NCKAP5: variants seen among roughly 807,000 people sequenced by gnomAD.
NCKAP5 encodes NCK associated protein 5, also known as nck-associated protein 5.
A neutral mutation model predicts 167.0 loss-of-function variants in NCKAP5; 92 were observed. That is an observed-to-expected ratio of 0.55 (90% CI 0.47 to 0.66). NCKAP5 has a LOEUF of 0.66. Ranked by LOEUF, NCKAP5 falls within the 30% of genes least tolerant of loss-of-function variation. The pLI is 0.00. For missense variants in NCKAP5, 2,378 were observed against 2,315.0 expected, an observed-to-expected ratio of 1.03 and a Z score of -0.56; for synonymous variants, 891 against 877.4, an observed-to-expected ratio of 1.02 and a Z score of -0.27.
chr2:133,062,937 T>C (rs1307889723), intron 6 of NCKAP5, among the ~76,000 whole-genome samples: 1 of 152,200 alleles, frequency 6.6e-6, no homozygotes, highest in Non-Finnish European at 1.5e-5. Flanking sequence ...CTGCCTAAAT[T>C]ACAGCATAAG....
At chr2:133,117,289 C>T (rs1245572306) in intron 6 of NCKAP5, 5 of 152,136 alleles carry the variant, frequency 3.3e-5, no homozygotes, top group South Asian at 2.1e-4. Context: ...GATAACTGTT[C>T]GAATCTCACG....
At chr2:133,284,119 C>A (rs991030557) in intron 4 of NCKAP5, among the ~76,000 whole-genome samples, 1 of 151,794 alleles carries the variant, frequency 6.6e-6, no homozygotes, top group Non-Finnish European at 1.5e-5. Flanking sequence ...CTGTGAGTAT[C>A]ATTTGTCAGA....
chr2:133,669,966 T>C, the NCKAP5 span, among the ~76,000 whole-genome samples: 4 of 152,204 alleles, frequency 2.6e-5, no homozygotes, highest in African/African-American at 9.6e-5. Context: ...ATGCAATAGA[T>C]TAACCAGCCA....
At chr2:133,124,701 C>T (rs965050883) in intron 6 of NCKAP5, among the ~76,000 whole-genome samples, 25 of 152,146 alleles carry the variant, frequency 1.6e-4, no homozygotes, top group African/African-American at 2.9e-4. Context: ...AGGGCATAAA[C>T]GGTGTTACTA....
At position 133,036,176 on chromosome 2, in the gene NCKAP5, A is replaced by T. The variant is rs1417165507; in HGVS notation, c.342-41937T>A. On this transcript the variant is annotated intron_variant, in intron 6 of 19. Transcript: ENST00000409261. The stretch of plus-strand genomic sequence containing the variant: ...TAACAAATAACAAGATCGATGCCAC[A>T]ATAAAAATCTTCCCAGTAAAGAAGA... Among the ~76,000 whole-genome samples, 4 of 151,992 alleles carry T rather than the reference A, an allele frequency of 2.6e-5. No individual in the cohort carries two copies. In the East Asian group the frequency reaches 7.7e-4, roughly 29 times the overall value.
the NCKAP5 span, among the ~76,000 whole-genome samples, chr2:133,656,193 C>T: frequency 6.6e-6 from 1 of 152,134 alleles, no homozygotes; most frequent in South Asian, 2.1e-4. Flanking sequence ...CCTGACTCTA[C>T]CACCAAGCTA....
chr2:132,878,640 ACACACACACACACACGCACG>A (rs1691495934), intron 9 of NCKAP5, among the ~76,000 whole-genome samples, 188 bp downstream of exon 9: 1 of 50,546 alleles, frequency 2.0e-5, no homozygotes, highest in Non-Finnish European at 4.5e-5. Context: ...ACACACACAC[ACACACACACACACACGCACG>A]CATACACACA....
intron 4 of NCKAP5, among the ~76,000 whole-genome samples, chr2:133,227,581 C>A (rs2086951666): frequency 6.6e-6 from 1 of 152,162 alleles, no homozygotes; most frequent in Admixed American, 6.5e-5. Flanking sequence ...CATTATTAAA[C>A]CTCAGGAGCA....
intron 6 of NCKAP5, among the ~76,000 whole-genome samples, chr2:133,000,991 G>T (rs567638253): frequency 5.3e-5 from 8 of 152,296 alleles, no homozygotes; most frequent in African/African-American, 1.9e-4. Context: ...GGATTGACTG[G>T]TAAGGATATA....
chr2:132,696,215 A>G (rs1167480914), intron 19 of NCKAP5, among the ~76,000 whole-genome samples: 1 of 152,220 alleles, frequency 6.6e-6, no homozygotes, highest in Non-Finnish European at 1.5e-5. Flanking sequence ...CATGGCTTCT[A>G]TTTTGCAGTA....
intron 2 of NCKAP5, among the ~76,000 whole-genome samples, chr2:133,544,808 T>C (rs1204377542): frequency 2.6e-5 from 4 of 152,248 alleles, no homozygotes; most frequent in East Asian, 1.9e-4. Flanking sequence ...TGATTACTTA[T>C]ACTTTCAGTT....
intron 6 of NCKAP5, among the ~76,000 whole-genome samples, chr2:133,105,385 T>TG (rs1410113725): frequency 2.1e-5 from 3 of 145,798 alleles, no homozygotes; most frequent in African/African-American, 7.5e-5. Flanking sequence ...CTTTCTCCTC[T>TG]GGTTTTAGTT....
At chr2:133,605,422 G>C in the NCKAP5 span, among the ~76,000 whole-genome samples, 1 of 152,106 alleles carries the variant, frequency 6.6e-6, no homozygotes, top group Non-Finnish European at 1.5e-5. Context: ...TGTGGTCCCC[G>C]ACCCCCTGGG....
At chr2:133,242,492 A>G (rs6749561) in intron 4 of NCKAP5, among the ~76,000 whole-genome samples, 36,670 of 152,032 alleles carry the variant, frequency 0.24, 4,841 homozygotes, top group African/African-American at 0.36. Flanking sequence ...TCTTGAAGCT[A>G]CATTTGCAGA....
intron 6 of NCKAP5, among the ~76,000 whole-genome samples, chr2:133,045,958 G>A (rs139328251): frequency 4.7e-4 from 71 of 152,300 alleles, no homozygotes; most frequent in Non-Finnish European, 8.2e-4. Flanking sequence ...TGATAAGCAC[G>A]TGGCTATGCA....
intron 3 of NCKAP5, chr2:133,390,975 T>C (rs1408385476): frequency 6.6e-6 from 1 of 152,228 alleles, no homozygotes; most frequent in African/African-American, 2.4e-5. Context: ...GAATTTCGTA[T>C]GCACCAAGCA....
chr2:133,615,480 A>C, the NCKAP5 span, among the ~76,000 whole-genome samples: 1 of 152,212 alleles, frequency 6.6e-6, no homozygotes, highest in South Asian at 2.1e-4. Context: ...GGAAAACAAA[A>C]AAAAAGCAGG....
chr2:133,553,087 A>G (rs1213393528), intron 2 of NCKAP5, among the ~76,000 whole-genome samples: 1 of 152,230 alleles, frequency 6.6e-6, no homozygotes, highest in East Asian at 1.9e-4. Flanking sequence ...GATTACTTAC[A>G]AAAATACACA....
At chr2:132,958,893 A>C (rs960174896) in intron 8 of NCKAP5, among the ~76,000 whole-genome samples, 3 of 151,888 alleles carry the variant, frequency 2.0e-5, no homozygotes, top group African/African-American at 7.3e-5. Flanking sequence ...ACAGGCATAT[A>C]GTTGCCTGTT....
Sources: allele counts gnomAD v4.1 joint callset (sites outside exome capture counted in the v4.1 genomes callset), GRCh38; gene constraint gnomAD v4.1.1; transcripts MANE v1.5; gene names NCBI Gene and HGNC (gene_info 2026-07-23, HGNC 2026-07-21).